Variants in SSBP3 observed in about 807,000 individuals in gnomAD.
SSBP3 encodes single stranded DNA binding protein 3.
SSBP3 carries 5 observed loss-of-function variants against 69.6 expected under a neutral mutation model. The ratio of observed to expected loss-of-function variants is 0.07; its 90% CI spans 0.04 to 0.15. SSBP3 has a LOEUF of 0.15. Ranked by LOEUF, SSBP3 falls within the 10% of genes least tolerant of loss-of-function variation. The pLI, the probability that SSBP3 is intolerant of heterozygous loss-of-function variation, is 1.00. For missense variants in SSBP3, 312 were observed against 534.0 expected, an observed-to-expected ratio of 0.58 and a Z score of 4.10; for synonymous variants, 196 against 193.4, an observed-to-expected ratio of 1.01 and a Z score of -0.11.
intron 5 of SSBP3, among the ~76,000 whole-genome samples, chr1:54,278,694 C>T (rs1409336586): frequency 3.3e-5 from 5 of 152,218 alleles, no homozygotes; most frequent in African/African-American, 1.2e-4. Flanking sequence ...GGCTGGCCAC[C>T]CTAGGCCAGG....
chr1:54,275,384 C>CA (rs1490612750), intron 5 of SSBP3, among the ~76,000 whole-genome samples: 4 of 152,264 alleles, frequency 2.6e-5, no homozygotes, highest in Non-Finnish European at 5.9e-5. Flanking sequence ...CCCCTTGTCA[C>CA]AAACTTGTCC....
chr1:54,394,642 GAC>G (rs979002058), intron 4 of SSBP3, among the ~76,000 whole-genome samples: 1 of 151,140 alleles, frequency 6.6e-6, no homozygotes, highest in Non-Finnish European at 1.5e-5. Context: ...GCTTCCCATG[GAC>G]CTGCCATGGC....
At chr1:54,336,171 T>G (rs1167387656) in intron 4 of SSBP3, among the ~76,000 whole-genome samples, 1 of 152,222 alleles carries the variant, frequency 6.6e-6, no homozygotes, top group Non-Finnish European at 1.5e-5. Context: ...CATAACTTCT[T>G]AAACTTCTAA....
At chr1:54,229,584 G>A (rs1251661828) in intron 14 of SSBP3, among the ~76,000 whole-genome samples, 1 of 152,104 alleles carries the variant, frequency 6.6e-6, no homozygotes, top group African/African-American at 2.4e-5. Flanking sequence ...GATAAGAGTC[G>A]ATTCTACCCA....
chr1:54,277,726 C>G (rs1645315431), intron 5 of SSBP3, among the ~76,000 whole-genome samples: 1 of 152,224 alleles, frequency 6.6e-6, no homozygotes, highest in South Asian at 2.1e-4. Context: ...ATGACCCCTG[C>G]CCTCTTGTGA....
At chr1:54,268,164 C>T (rs976508438) in intron 5 of SSBP3, among the ~76,000 whole-genome samples, 4 of 152,228 alleles carry the variant, frequency 2.6e-5, no homozygotes, top group South Asian at 2.1e-4. Flanking sequence ...GAGATGGGCC[C>T]GGGATCCAGA....
At chr1:54,295,510 C>A (rs1306514421) in intron 4 of SSBP3, among the ~76,000 whole-genome samples, 1 of 152,166 alleles carries the variant, frequency 6.6e-6, no homozygotes, top group Non-Finnish European at 1.5e-5. Flanking sequence ...GCCTCCTAAC[C>A]AAGCCGACAC....
intron 4 of SSBP3, among the ~76,000 whole-genome samples, chr1:54,305,754 G>A (rs746283021): frequency 4.0e-5 from 6 of 151,404 alleles, no homozygotes; most frequent in East Asian, 3.9e-4. Context: ...CACTGCGTCC[G>A]GCTGAGTTTG....
chr1:54,227,653 C>T (rs1465232177), intron 17 of SSBP3, among the ~76,000 whole-genome samples: 2 of 152,174 alleles, frequency 1.3e-5, no homozygotes, highest in Non-Finnish European at 2.9e-5. Context: ...TCAAGGCTTA[C>T]AGCAGCCTCA....
chr1:54,356,010 A>G (rs1646857488), intron 4 of SSBP3, among the ~76,000 whole-genome samples: 1 of 152,238 alleles, frequency 6.6e-6, no homozygotes, highest in South Asian at 2.1e-4. Context: ...AGCTCAGCAG[A>G]GAAACCAGCT....
At chr1:54,244,654 C>T (rs913011978) in intron 9 of SSBP3, among the ~76,000 whole-genome samples, 7 of 152,230 alleles carry the variant, frequency 4.6e-5, no homozygotes, top group Admixed American at 6.5e-5. Context: ...CACCAGGCCT[C>T]GTATCACGCG....
At chr1:54,387,210 C>A (rs1416974706) in intron 4 of SSBP3, among the ~76,000 whole-genome samples, 4 of 152,174 alleles carry the variant, frequency 2.6e-5, no homozygotes, top group Non-Finnish European at 5.9e-5. Context: ...TTTACTATTG[C>A]TTATAGTTTC....
chr1:54,388,604 G>C (rs1022014051), intron 4 of SSBP3, among the ~76,000 whole-genome samples: 2 of 152,210 alleles, frequency 1.3e-5, no homozygotes, highest in Non-Finnish European at 2.9e-5. Flanking sequence ...TTCCGGACTC[G>C]CTGTCCAGTG....
chr1:54,366,540 T>G (rs545604531), intron 4 of SSBP3, among the ~76,000 whole-genome samples: 10 of 152,158 alleles, frequency 6.6e-5, no homozygotes, highest in Non-Finnish European at 1.5e-5. Context: ...TGAAATGGCT[T>G]TCAGGGCTGA....
At chr1:54,253,252 T>C (rs928691436) in intron 7 of SSBP3, among the ~76,000 whole-genome samples, 3 of 150,368 alleles carry the variant, frequency 2.0e-5, no homozygotes, top group Non-Finnish European at 3.0e-5. Context: ...AATGCAGTAG[T>C]GTGATCACAG....
intron 5 of SSBP3, among the ~76,000 whole-genome samples, chr1:54,274,383 C>T (rs1458355041): frequency 1.4e-5 from 2 of 147,350 alleles, no homozygotes; most frequent in African/African-American, 5.0e-5. Flanking sequence ...GTGCTTCCAC[C>T]AGCAACTATT....
At chr1:54,408,769 C>G (rs1400873164), upstream of SSBP3, among the ~76,000 whole-genome samples, 2 of 152,208 alleles carry the variant, frequency 1.3e-5, no homozygotes, top group Non-Finnish European at 2.9e-5. Context: ...GGAAAAAGGA[C>G]TAGCACCTCC....
At chr1:54,313,570 G>A (rs7524749) in intron 4 of SSBP3, among the ~76,000 whole-genome samples, 35,347 of 146,692 alleles carry the variant, frequency 0.24, 4,901 homozygotes, top group East Asian at 0.44. Flanking sequence ...TATGCTTTTT[G>A]ACATCAACAG....
At chr1:54,228,571 C>G in intron 15 of SSBP3, 94 bp from the exon 16 acceptor site, 1 of 1,559,768 alleles carries the variant, frequency 6.4e-7, no homozygotes, top group Non-Finnish European at 8.7e-7. Context: ...CTAAGCCCTT[C>G]CATCCCAGTC....
Sources: gnomAD v4.1 joint callset for allele counts (sites outside exome capture counted in the v4.1 genomes callset) on GRCh38, gnomAD v4.1.1 for gene constraint, MANE v1.5 for transcripts, NCBI Gene and HGNC (gene_info 2026-07-23, HGNC 2026-07-21) for gene names.